The following FLI1 variants were observed in gnomAD, a reference collection of about 807,000 sequenced individuals.
FLI1 encodes the protein Friend leukemia integration 1 transcription factor.
In FLI1, 13 loss-of-function variants were observed where a neutral mutation model predicts 53.1. The ratio of observed to expected loss-of-function variants is 0.24; its 90% confidence interval spans 0.16 to 0.39. The LOEUF (loss-of-function observed/expected upper bound fraction) is 0.39. Ranked by LOEUF, FLI1 falls within the 10% of genes least tolerant of loss-of-function variation. FLI1 has a pLI of 1.00. For synonymous variants in FLI1, 244 were observed against 236.7 expected, an observed-to-expected ratio of 1.03 and a Z score of -0.28; for missense variants, 424 against 600.5, an observed-to-expected ratio of 0.71 and a Z score of 3.07.
rs1010453572 is a variant in FLI1, at chr11:128,781,814, C to T, written c.590-144C>T. The T allele has an allele frequency of 3.0e-5, 20 of 672,428 alleles. 1 individual carries two copies. The highest frequency in any genetic ancestry group is 5.5e-4 in the Middle Eastern group (2 of 3,654). The allele number at this position is 672,428 out of a possible 1,614,324, so 41.7% of individuals were successfully genotyped here. A position where few individuals can be genotyped will look rare whatever the true frequency, so the allele number is the denominator to read the frequency against. ...TGTCTCCAACCAAATGGATTCCATT[C>T]GCTTTTCCTTTCTTCCTAGGAGTCC... On this transcript the variant is annotated intron_variant, in intron 4 of 8. Coordinates refer to ENST00000527786, the MANE Select transcript of FLI1 (RefSeq NM_002017.5).
upstream of FLI1, among the ~76,000 whole-genome samples, chr11:128,692,329 G>T (rs1937776446): frequency 6.6e-6 from 1 of 152,150 alleles, no homozygotes; most frequent in South Asian, 2.1e-4. Context: ...GACTGACCCC[G>T]CTAGCGGTAA....
intron 1 of FLI1, among the ~76,000 whole-genome samples, chr11:128,724,920 G>T (rs1939410552): frequency 6.6e-6 from 1 of 152,168 alleles, no homozygotes; most frequent in Admixed American, 6.5e-5. Context: ...AGCCTGCAGA[G>T]AATGATGGGG....
intron 2 of FLI1, among the ~76,000 whole-genome samples, chr11:128,765,513 C>T (rs1941302782): frequency 6.6e-6 from 1 of 152,234 alleles, no homozygotes. Context: ...GTGTGCCCTC[C>T]TGTCCCACCA....
intron 5 of FLI1, among the ~76,000 whole-genome samples, chr11:128,800,761 A>G (rs1310364126): frequency 1.3e-5 from 2 of 152,224 alleles, no homozygotes; most frequent in Non-Finnish European, 2.9e-5. Flanking sequence ...CATATATGTG[A>G]GGCTGAATTA....
chr11:128,739,523 T>C (rs1940044600), intron 1 of FLI1, among the ~76,000 whole-genome samples: 1 of 151,098 alleles, frequency 6.6e-6, no homozygotes, highest in South Asian at 2.1e-4. Flanking sequence ...CCAGCTCACC[T>C]TCCCTACCTC....
At chr11:128,749,296 G>A (rs778540488) in intron 1 of FLI1, among the ~76,000 whole-genome samples, 3 of 152,196 alleles carry the variant, frequency 2.0e-5, no homozygotes, top group Non-Finnish European at 2.9e-5. Flanking sequence ...AAATTACCCC[G>A]AAACCTAGTG....
At chr11:128,805,290 A>C in intron 5 of FLI1, 76 bp from the exon 6 acceptor site, 1 of 799,910 alleles carries the variant, frequency 1.3e-6, no homozygotes. Flanking sequence ...TCTCCTGATC[A>C]CTACAGATAA....
At chr11:128,802,491 C>A (rs1447720485) in intron 5 of FLI1, among the ~76,000 whole-genome samples, 2 of 152,220 alleles carry the variant, frequency 1.3e-5, no homozygotes, top group East Asian at 3.8e-4. Flanking sequence ...ATGAAGACAC[C>A]AGCTTAGGGC....
At chr11:128,686,414 T>G (rs751464641), upstream of FLI1, 14 of 456,050 alleles carry the variant, frequency 3.1e-5, no homozygotes, top group South Asian at 1.9e-4. Context: ...TGGCTCTCAG[T>G]TCTCACCGTC....
At chr11:128,689,108 C>T (rs535732867), upstream of FLI1, among the ~76,000 whole-genome samples, 1 of 152,164 alleles carries the variant, frequency 6.6e-6, no homozygotes, top group Non-Finnish European at 1.5e-5. Flanking sequence ...GACAGTGAGG[C>T]ACAGGGAGGT....
rs1937905576 is a variant in FLI1 at position 128,694,129 on chromosome 11, C to T, written c.-130C>T. 1.1e-6 allele frequency: 1 copy of T among 943,896 alleles called. No individual in the cohort carries two copies. Among genetic ancestry groups the T allele is most frequent in the Non-Finnish European group, 1.5e-6 (1 of 663,180 alleles). The allele number at this position is 943,896 out of a possible 1,614,324, so 58.5% of individuals were successfully genotyped here. A position where few individuals can be genotyped will look rare whatever the true frequency, so the allele number is the denominator to read the frequency against. The stretch of plus-strand genomic sequence containing the variant: ...CAGGGGAGTGAGGGCAGGGCGCTCG[C>T]AGGGGGCACGCAGGGAGGGCCCAGG... On this transcript the variant is annotated 5_prime_UTR_variant, in exon 1 of 9. Coordinates refer to ENST00000527786, the MANE Select transcript of FLI1 (RefSeq NM_002017.5).
In FLI1 at chr11:128,772,926, G is replaced by A. The variant is rs370316451; in HGVS notation, c.530G>A (p.Arg177His). 39 of 1,613,902 alleles carry A rather than the reference G, an allele frequency of 2.4e-5. No homozygotes were observed. The highest frequency in any genetic ancestry group is 6.7e-5 in the East Asian group (3 of 44,902). Residue 177 changes from arginine (R) to histidine (H), a missense_variant, in exon 4 of 9, where the codon CGC becomes CAC. Coordinates refer to ENST00000527786, the MANE Select transcript of FLI1 (RefSeq NM_002017.5). ...LCKMNKEDFL[R>H]ATTLYNTEVL... ...AAAATGAACAAGGAGGACTTCCTCC[G>A]CGCCACCACCCTCTACAACACGGAA...
rs184319246 is a variant in FLI1 at position 128,702,590 on chromosome 11, G to A, written c.18+8314G>A. On this transcript the variant is annotated intron_variant, in intron 1 of 8. Transcript: ENST00000527786. ...TATATATTAACATGGGGCCAGGCACGGTGGCTCACACCTGTAATCCCAGCA... is the reference window on the plus strand; with the variant it reads ...TATATATTAACATGGGGCCAGGCACAGTGGCTCACACCTGTAATCCCAGCA... Among the ~76,000 whole-genome samples the A allele has an allele frequency of 2.6e-4, 40 of 152,290 alleles. 1 individual carries two copies. In the East Asian group the frequency reaches 3.5e-3, roughly 13 times the overall value.
chr11:128,686,346 C>A, upstream of FLI1: 1 of 456,280 alleles, frequency 2.2e-6, no homozygotes, highest in Non-Finnish European at 4.4e-6. Context: ...AGGCGGCAGT[C>A]TGATTTCGGG....
intron 1 of FLI1, among the ~76,000 whole-genome samples, chr11:128,716,289 C>A (rs559328705): frequency 3.5e-4 from 53 of 152,280 alleles, no homozygotes; most frequent in Non-Finnish European, 7.1e-4. Flanking sequence ...CCTGGTTTCC[C>A]TTTATGGAGT....
chr11:128,734,196 G>A (rs77386733), intron 1 of FLI1, among the ~76,000 whole-genome samples: 1,552 of 152,312 alleles, frequency 0.01, 32 homozygotes, highest in African/African-American at 0.035. Flanking sequence ...AGGAAAATGC[G>A]AGAAAAAGAT....
At chr11:128,694,070 G>C (rs1398918047), upstream of FLI1, 1 of 457,194 alleles carries the variant, frequency 2.2e-6, no homozygotes, top group Non-Finnish European at 3.8e-6. Flanking sequence ...CCGGTTAACT[G>C]TCTCTTTCGC....
At chr11:128,751,970 C>A (rs1228082222) in intron 1 of FLI1, among the ~76,000 whole-genome samples, 1 of 151,400 alleles carries the variant, frequency 6.6e-6, no homozygotes, top group Non-Finnish European at 1.5e-5. Context: ...GCTTTTTAAA[C>A]AATTTTTTTC....
At chr11:128,718,239 A>G (rs1031865505) in intron 1 of FLI1, among the ~76,000 whole-genome samples, 5 of 152,212 alleles carry the variant, frequency 3.3e-5, no homozygotes, top group African/African-American at 4.8e-5. Flanking sequence ...CAGGGCAGCT[A>G]TTATGATTCA....
Sources: allele counts gnomAD v4.1 joint callset (sites outside exome capture counted in the v4.1 genomes callset), GRCh38; gene constraint gnomAD v4.1.1; transcripts MANE v1.5; gene names NCBI Gene and HGNC (gene_info 2026-07-23, HGNC 2026-07-21).